Variants in ALDH7A1 observed in about 807,000 individuals in gnomAD.
ALDH7A1 encodes the protein alpha-aminoadipic semialdehyde dehydrogenase.
Under a neutral mutation model 79.9 loss-of-function variants are expected in ALDH7A1, and 63 were observed. The observed-to-expected ratio is 0.79, with a 90% CI of 0.64 to 0.97. The LOEUF (loss-of-function observed/expected upper bound fraction) is 0.97. Among genes scored for constraint, ALDH7A1 ranks in the 50% least tolerant of loss-of-function variants. ALDH7A1 has a pLI of 0.00. For missense variants in ALDH7A1, 627 were observed against 665.2 expected (o/e 0.94, Z 0.63); for synonymous variants, 240 against 231.2 (o/e 1.04, Z -0.34).
chr5:126,549,096 AAAAAG>A (rs1749902512), intron 16 of ALDH7A1, among the ~76,000 whole-genome samples: 5 of 147,816 alleles, frequency 3.4e-5, no homozygotes, highest in Admixed American at 1.4e-4. Flanking sequence ...AAAAAAAAAA[AAAAAG>A]GAATAGTCAA....
At chr5:126,584,933 A>C (rs1751309582) in intron 3 of ALDH7A1, among the ~76,000 whole-genome samples, 1 of 152,164 alleles carries the variant, frequency 6.6e-6, no homozygotes, top group Non-Finnish European at 1.5e-5. Flanking sequence ...TATGAATGAG[A>C]CACAATTTCT....
intron 16 of ALDH7A1, among the ~76,000 whole-genome samples, chr5:126,547,649 T>C (rs4836272): frequency 0.62 from 94,495 of 152,112 alleles, 29,546 homozygotes; most frequent in South Asian, 0.67. Context: ...TCTATCATAA[T>C]AGAGGGTCAA....
chr5:126,550,369 C>G, intron 14 of ALDH7A1, 76 bp from the exon 15 acceptor site: 2 of 1,093,356 alleles, frequency 1.8e-6, no homozygotes, highest in Non-Finnish European at 1.4e-6. Flanking sequence ...AACTCATTTC[C>G]TGAAGTGTAC....
At chr5:126,573,515 T>C (rs1750852717) in intron 7 of ALDH7A1, among the ~76,000 whole-genome samples, 1 of 151,516 alleles carries the variant, frequency 6.6e-6, no homozygotes, top group South Asian at 2.1e-4. Flanking sequence ...CTGGCCAACA[T>C]GGTGAAACCC....
At chr5:126,546,492 C>G (rs1372968542) in intron 16 of ALDH7A1, 93 bp from the exon 17 acceptor site, 2 of 1,088,954 alleles carry the variant, frequency 1.8e-6, no homozygotes, top group Admixed American at 1.8e-5. Flanking sequence ...AAAAGGACAC[C>G]AGAACAACCT....
chr5:126,577,024 T>C, intron 6 of ALDH7A1, 55 bp downstream of exon 6: 2 of 1,611,938 alleles, frequency 1.2e-6, no homozygotes, highest in South Asian at 1.1e-5. Flanking sequence ...TAGTAGTATC[T>C]AGAAATGGCT....
intron 1 of ALDH7A1, 55 bp downstream of exon 1, chr5:126,594,952 C>T (rs1402649960): frequency 1.9e-6 from 3 of 1,550,620 alleles, no homozygotes; most frequent in Non-Finnish European, 2.6e-6. Flanking sequence ...AGTGCCCGCC[C>T]GGCCTCCTCG....
In ALDH7A1 at chr5:126,555,924, T is replaced by C. The variant is rs746798021; in HGVS notation, c.1093+7A>G. ...GGATCGCTTTGAAAGCAGAAGGAGATACTCACGGTCCCATGGGTTCCCAAC... is the reference window on the plus strand; with the variant it reads ...GGATCGCTTTGAAAGCAGAAGGAGACACTCACGGTCCCATGGGTTCCCAAC... On this transcript the variant is annotated splice_region_variant and intron_variant, in intron 12 of 17. Transcript: ENST00000409134. 18 of 1,603,642 alleles carry C rather than the reference T, an allele frequency of 1.1e-5. No homozygotes were observed. Among genetic ancestry groups the C allele is most frequent in the Middle Eastern group, 1.7e-4 (1 of 6,034 alleles).
chr5:126,577,427 C>T (rs1751015128), intron 5 of ALDH7A1, among the ~76,000 whole-genome samples: 1 of 152,168 alleles, frequency 6.6e-6, no homozygotes, highest in Non-Finnish European at 1.5e-5. Context: ...CATTATGCCT[C>T]TGATCTTCAT....
At chr5:126,589,262 A>G (rs1751460399) in intron 3 of ALDH7A1, among the ~76,000 whole-genome samples, 1 of 151,942 alleles carries the variant, frequency 6.6e-6, no homozygotes, top group Non-Finnish European at 1.5e-5. Flanking sequence ...GGTTCAAGTG[A>G]TTCTCCTGCC....
chr5:126,584,709 G>A (rs1199140210), intron 3 of ALDH7A1, among the ~76,000 whole-genome samples: 2 of 145,744 alleles, frequency 1.4e-5, no homozygotes, highest in Non-Finnish European at 3.0e-5. Flanking sequence ...GAAACAGCAA[G>A]TGGATTCACG....
intron 9 of ALDH7A1, among the ~76,000 whole-genome samples, chr5:126,562,714 G>A (rs1750445433): frequency 6.6e-6 from 1 of 152,124 alleles, no homozygotes; most frequent in Non-Finnish European, 1.5e-5. Context: ...TGGGCGTGGT[G>A]GCGGATGCCT....
chr5:126,553,754 G>C (rs1302260635), intron 13 of ALDH7A1, among the ~76,000 whole-genome samples: 3 of 151,966 alleles, frequency 2.0e-5, no homozygotes, highest in Admixed American at 2.0e-4. Context: ...AGAGGGTGCA[G>C]TGAGCTGAGA....
chr5:126,573,039 A>G (rs1750829046), intron 7 of ALDH7A1, among the ~76,000 whole-genome samples: 1 of 148,916 alleles, frequency 6.7e-6, no homozygotes, highest in South Asian at 2.1e-4. Context: ...AGCAAATAAC[A>G]TTTTCAGTGC....
At chr5:126,590,190 C>A (rs540299894) in intron 3 of ALDH7A1, among the ~76,000 whole-genome samples, 1 of 151,596 alleles carries the variant, frequency 6.6e-6, no homozygotes, top group East Asian at 1.9e-4. Flanking sequence ...CGCCTCTGCC[C>A]GGCCACCGCC....
chr5:126,591,730 T>A (rs777107500), intron 3 of ALDH7A1, among the ~76,000 whole-genome samples: 1 of 152,020 alleles, frequency 6.6e-6, no homozygotes, highest in Non-Finnish European at 1.5e-5. Flanking sequence ...GCCTTTACTC[T>A]CCCCTTCTCA....
chr5:126,563,260 GATTAT>G (rs1750462407), intron 9 of ALDH7A1, among the ~76,000 whole-genome samples: 1 of 150,800 alleles, frequency 6.6e-6, no homozygotes, highest in African/African-American at 2.4e-5. Context: ...ATCTAGTTGA[GATTAT>G]ATTATTTCAT....
chr5:126,585,034 C>A (rs1286932402), intron 3 of ALDH7A1, among the ~76,000 whole-genome samples: 2 of 152,190 alleles, frequency 1.3e-5, no homozygotes, highest in Non-Finnish European at 2.9e-5. Flanking sequence ...CGCGGTGGCT[C>A]ACGTCTATAA....
intron 13 of ALDH7A1, among the ~76,000 whole-genome samples, chr5:126,553,079 A>AT (rs58921552): frequency 0.17 from 25,501 of 152,026 alleles, 2,326 homozygotes; most frequent in Middle Eastern, 0.21. Context: ...TATGATATGT[A>AT]TTTTTTTATT....
Sources: gnomAD v4.1 joint callset for allele counts (sites outside exome capture counted in the v4.1 genomes callset) on GRCh38, gnomAD v4.1.1 for gene constraint, MANE v1.5 for transcripts, NCBI Gene and HGNC (gene_info 2026-07-23, HGNC 2026-07-21) for gene names.